Variants in KATNAL1 observed in about 807,000 individuals in gnomAD.
KATNAL1 encodes katanin p60 ATPase-containing subunit A-like 1.
KATNAL1 carries 32 observed loss-of-function variants against 55.2 expected under a neutral mutation model. That is an observed-to-expected ratio of 0.58 (90% CI 0.44 to 0.78). The LOEUF is 0.78. Ranked by LOEUF, KATNAL1 falls within the 30% of genes least tolerant of loss-of-function variation. The pLI is 0.00. For missense variants in KATNAL1, 466 were observed against 600.9 expected, an observed-to-expected ratio of 0.78 and a Z score of 2.35; for synonymous variants, 193 against 193.6, an observed-to-expected ratio of 1.00 and a Z score of 0.02.
At chr13:30,295,883 C>G (rs141070714) in intron 1 of KATNAL1, among the ~76,000 whole-genome samples, 1 of 151,990 alleles carries the variant, frequency 6.6e-6, no homozygotes, top group Non-Finnish European at 1.5e-5. Context: ...AGAGTCAATA[C>G]GTCCACCAAA....
intron 3 of KATNAL1, among the ~76,000 whole-genome samples, chr13:30,258,627 C>T (rs988442269): frequency 1.3e-5 from 2 of 152,120 alleles, no homozygotes; most frequent in Admixed American, 1.3e-4. Flanking sequence ...AAATCTTTGC[C>T]TACCGCAAGA....
intron 3 of KATNAL1, among the ~76,000 whole-genome samples, chr13:30,274,834 G>A (rs1355970361): frequency 6.6e-6 from 1 of 150,574 alleles, no homozygotes; most frequent in East Asian, 2.0e-4. Context: ...ATTGACAGAT[G>A]AATGGATAAA....
At chr13:30,295,739 T>C (rs979215472) in intron 1 of KATNAL1, among the ~76,000 whole-genome samples, 3 of 152,202 alleles carry the variant, frequency 2.0e-5, no homozygotes, top group African/African-American at 7.2e-5. Context: ...TTTAGATTAC[T>C]ACATAATCCT....
chr13:30,226,675 C>T (rs1234195124), intron 9 of KATNAL1, among the ~76,000 whole-genome samples: 1 of 152,148 alleles, frequency 6.6e-6, no homozygotes, highest in Non-Finnish European at 1.5e-5. Context: ...CAGATTTGTA[C>T]TCATCAAATT....
intron 10 of KATNAL1, among the ~76,000 whole-genome samples, chr13:30,209,919 C>A (rs1347121223): frequency 6.6e-6 from 1 of 152,084 alleles, no homozygotes; most frequent in East Asian, 1.9e-4. Flanking sequence ...GTAGCTGGAA[C>A]TACAGGTGTC....
At chr13:30,274,905 G>GCACACACACACACA (rs1212571978) in intron 3 of KATNAL1, among the ~76,000 whole-genome samples, 3 of 84,348 alleles carry the variant, frequency 3.6e-5, no homozygotes, top group South Asian at 3.7e-4. Context: ...GCGCGCGCGC[G>GCACACACACACACA]CGCACACACA....
chr13:30,258,437 C>T (rs998253075), intron 3 of KATNAL1, among the ~76,000 whole-genome samples: 2 of 151,982 alleles, frequency 1.3e-5, no homozygotes, highest in Non-Finnish European at 2.9e-5. Context: ...TTGCTCTTTT[C>T]TTTATTTTTG....
chr13:30,280,325 G>A (rs7317962), intron 2 of KATNAL1, 102 bp from the exon 3 acceptor site: 2 of 777,972 alleles, frequency 2.6e-6, no homozygotes, highest in Non-Finnish European at 3.7e-6. Context: ...AATGTCAAAG[G>A]GTGAAAAATG....
At position 30,240,401 on chromosome 13, in the gene KATNAL1, C is replaced by T. The variant is rs77449550; in HGVS notation, c.726+59G>A. On this transcript the variant is annotated intron_variant, in intron 6 of 10. Transcript: ENST00000380615. ...TACATCAAAAACTACAGCAATGCTG[C>T]CTTTCATTCCAGTGCCAAGTAGCAT... 2,835 of 1,176,014 alleles carry T rather than the reference C, an allele frequency of 2.4e-3. 40 individuals are homozygous for T. In the African/African-American group the frequency reaches 0.034, roughly 14 times the overall value. The allele number at this position is 1,176,014 out of a possible 1,614,324, so 72.8% of individuals were successfully genotyped here.
Position 30,210,312 on chromosome 13 carries a change from A to G in KATNAL1, c.1274+4T>C. The G allele has an allele frequency of 6.3e-7, 1 of 1,581,046 alleles. No individual in the cohort carries two copies. The highest frequency in any genetic ancestry group is 1.2e-5 in the South Asian group (1 of 85,046). ...TCTAAAATCACAGATCATTAAAAAA[A>G]TACCTGCAAACATTAGTGATGTCAG... On this transcript the variant is annotated splice_donor_region_variant and intron_variant, in intron 10 of 10. Transcript: ENST00000380615.
intron 9 of KATNAL1, among the ~76,000 whole-genome samples, chr13:30,214,282 G>A (rs865949527): frequency 6.6e-6 from 1 of 152,046 alleles, no homozygotes; most frequent in Non-Finnish European, 1.5e-5. Context: ...AGGATACAAA[G>A]AAATGGAAGA....
intron 6 of KATNAL1, among the ~76,000 whole-genome samples, chr13:30,233,671 C>T (rs1876346968): frequency 6.6e-6 from 1 of 150,914 alleles, no homozygotes; most frequent in Non-Finnish European, 1.5e-5. Flanking sequence ...CTATTCACAA[C>T]AGCCAAAATA....
intron 9 of KATNAL1, among the ~76,000 whole-genome samples, chr13:30,212,921 T>G (rs1028483563): frequency 6.6e-6 from 1 of 152,118 alleles, no homozygotes; most frequent in Admixed American, 6.5e-5. Context: ...GTCATATGGG[T>G]GGGCTCTAAT....
intron 1 of KATNAL1, chr13:30,296,266 CT>C: frequency 4.2e-6 from 5 of 1,191,142 alleles, no homozygotes; most frequent in Non-Finnish European, 3.5e-6. Flanking sequence ...ACGTGGTCCT[CT>C]TTTTCTACCC....
At chr13:30,228,806 G>A (rs140262099) in intron 8 of KATNAL1, among the ~76,000 whole-genome samples, 1 of 152,338 alleles carries the variant, frequency 6.6e-6, no homozygotes, top group Non-Finnish European at 1.5e-5. Flanking sequence ...AGGCTGGAGT[G>A]CCATGGCACA....
chr13:30,237,937 A>G (rs1876854824), intron 6 of KATNAL1, among the ~76,000 whole-genome samples: 1 of 152,182 alleles, frequency 6.6e-6, no homozygotes, highest in Non-Finnish European at 1.5e-5. Flanking sequence ...AACTTCCTTC[A>G]TTAAATATCA....
At chr13:30,280,700 T>G (rs1881215974) in intron 2 of KATNAL1, among the ~76,000 whole-genome samples, 1 of 152,220 alleles carries the variant, frequency 6.6e-6, no homozygotes, top group Non-Finnish European at 1.5e-5. Context: ...TATTATACTA[T>G]GAATTACAAA....
intron 1 of KATNAL1, among the ~76,000 whole-genome samples, chr13:30,285,085 T>C (rs772946842): frequency 1.2e-4 from 19 of 152,232 alleles, no homozygotes; most frequent in Non-Finnish European, 2.4e-4. Context: ...CTCTTATCTG[T>C]TCTTCAGGGA....
At position 30,227,557 on chromosome 13, in the gene KATNAL1, TA is replaced by T; in HGVS notation, c.1013-12del. 6.2e-7 allele frequency: 1 copy of T among 1,602,628 alleles called. No homozygotes were observed. The highest frequency in any genetic ancestry group is 8.5e-7 in the Non-Finnish European group (1 of 1,173,338). On this transcript the variant is annotated splice_polypyrimidine_tract_variant and intron_variant, in intron 8 of 10. Coordinates refer to ENST00000380615, the MANE Select transcript of KATNAL1 (RefSeq NM_032116.5). ...AAGCTCCTCCAACTCCTATACACAG[TA>T]AGGGAGGAAAAGATAGTGTTTTTCT...
Sources: gnomAD v4.1 joint callset for allele counts (sites outside exome capture counted in the v4.1 genomes callset) on GRCh38, gnomAD v4.1.1 for gene constraint, MANE v1.5 for transcripts, NCBI Gene and HGNC (gene_info 2026-07-23, HGNC 2026-07-21) for gene names.